ADGRV1: variants seen among roughly 807,000 people sequenced by gnomAD.
ADGRV1 encodes the protein adhesion G protein-coupled receptor V1, also known as G-protein coupled receptor 98.
Under a neutral mutation model 596.2 loss-of-function variants are expected in ADGRV1, and 359 were observed. The observed-to-expected ratio is 0.60, with a 90% CI of 0.55 to 0.66. The LOEUF is 0.66. ADGRV1 is among the 30% of genes least tolerant of loss of function. The pLI, the probability that ADGRV1 is intolerant of heterozygous loss-of-function variation, is 0.00. For synonymous variants in ADGRV1, 2,681 were observed against 2,679.2 expected (o/e 1.00, Z -0.02); for missense variants, 7,274 against 7,575.6 (o/e 0.96, Z 1.48).
chr5:90,595,746 G>A (rs1206058843), intron 1 of ADGRV1, among the ~76,000 whole-genome samples: 11 of 133,396 alleles, frequency 8.2e-5, no homozygotes, highest in East Asian at 2.4e-4. Context: ...CCGGGCAGAG[G>A]CGCCCCTCAC....
chr5:90,906,654 C>T (rs1219859758), intron 83 of ADGRV1, among the ~76,000 whole-genome samples: 1 of 151,956 alleles, frequency 6.6e-6, no homozygotes, highest in African/African-American at 2.4e-5. Context: ...GAAGGTCTGT[C>T]AATTATGTTT....
intron 76 of ADGRV1, among the ~76,000 whole-genome samples, chr5:90,826,142 C>T (rs1434037811): frequency 1.3e-5 from 2 of 152,076 alleles, no homozygotes; most frequent in Non-Finnish European, 2.9e-5. Flanking sequence ...TAACATTTTA[C>T]ATGTTATTAG....
chr5:90,694,036 T>C lies in ADGRV1; in HGVS notation c.7280T>C (p.Met2427Thr). The change falls in exon 33 of 90, where the codon ATG (methionine) becomes ACG (threonine). Residue 2427 changes from methionine to threonine, a missense_variant. This residue lies in a region of ADGRV1 where 3,643 missense variants were observed against 3,809.2 expected (regional missense o/e 0.96). Coordinates refer to ENST00000405460, the MANE Select transcript of ADGRV1 (RefSeq NM_032119.4). ...GVPDPLWRTW[M>T]NVSAVGEPLY... is the part of the protein sequence containing the mutation. ...CCTGACCCACTTTGGAGAACTTGGA[T>C]GAATGTCTCTGCCGTGGGGGAGCCC... 1 of 1,613,796 alleles carries C rather than the reference T, an allele frequency of 6.2e-7. No homozygotes were observed.
chr5:90,681,636 A>G (rs1000135920), intron 27 of ADGRV1, among the ~76,000 whole-genome samples, 182 bp downstream of exon 27: 1 of 152,126 alleles, frequency 6.6e-6, no homozygotes, highest in Non-Finnish European at 1.5e-5. Context: ...TGTCTTTAGT[A>G]TTGCACATGG....
At chr5:91,159,870 T>C (rs1034584453) in intron 89 of ADGRV1, among the ~76,000 whole-genome samples, 1 of 152,226 alleles carries the variant, frequency 6.6e-6, no homozygotes, top group African/African-American at 2.4e-5. Context: ...TGGAAAGGAA[T>C]GTCTCCATTT....
At chr5:90,690,106 A>T in intron 30 of ADGRV1, 30 bp downstream of exon 30, 2 of 1,212,098 alleles carry the variant, frequency 1.7e-6, no homozygotes, top group Non-Finnish European at 2.4e-6. Context: ...TCTCTCTTTG[A>T]CTTGTCTGCA....
chr5:90,949,134 C>A, intron 83 of ADGRV1, among the ~76,000 whole-genome samples: 1 of 152,086 alleles, frequency 6.6e-6, no homozygotes, highest in East Asian at 1.9e-4. Flanking sequence ...GGAAATAGCA[C>A]ATACTACATG....
intron 70 of ADGRV1, among the ~76,000 whole-genome samples, chr5:90,796,664 A>G (rs1760752252): frequency 6.6e-6 from 1 of 152,202 alleles, no homozygotes; most frequent in Non-Finnish European, 1.5e-5. Flanking sequence ...CATAAGACAC[A>G]TAATTGTCAG....
chr5:90,649,200 C>T (rs1298782593), intron 17 of ADGRV1, among the ~76,000 whole-genome samples: 1 of 151,994 alleles, frequency 6.6e-6, no homozygotes, highest in African/African-American at 2.4e-5. Flanking sequence ...GACAGGTTTT[C>T]ACCATGTTAG....
intron 61 of ADGRV1, among the ~76,000 whole-genome samples, chr5:90,777,151 G>A (rs1281134248): frequency 1.3e-5 from 2 of 152,268 alleles, no homozygotes; most frequent in East Asian, 1.9e-4. Flanking sequence ...GGCAGAAGGC[G>A]AAAGGAGAGC....
At chr5:90,595,331 G>A (rs1760210275) in intron 1 of ADGRV1, among the ~76,000 whole-genome samples, 1 of 65,762 alleles carries the variant, frequency 1.5e-5, no homozygotes. Context: ...GGCTGGCCGG[G>A]CGGGGGGCTG....
chr5:90,645,178 G>C lies in ADGRV1; in HGVS notation c.2898+309G>C, dbSNP rs75840032. The stretch of plus-strand genomic sequence containing the variant: ...CTTTGAAGGCAAGGTCATCTATCAA[G>C]TGTCCTGTGGTGCAGTCTCAGCACC... On this transcript the variant is annotated intron_variant, in intron 15 of 89. Coordinates refer to ENST00000405460, the MANE Select transcript of ADGRV1 (RefSeq NM_032119.4). Among the ~76,000 whole-genome samples, 91 of 152,360 alleles carry C rather than the reference G, an allele frequency of 6.0e-4. 1 individual carries two copies. The East Asian group carries it at 0.012, about 21-fold the overall frequency.
rs757029909 is a variant in ADGRV1 at position 91,014,136 on chromosome 5, C to CCCCCCCCACACACACA, written c.18152+28615_18152+28616insCCCCCCACACACACAC. ...TCATAGGCAATCCCATTCACAATTG[C>CCCCCCCCACACACACA]CACACACACACACACACACACACAC... On this transcript the variant is annotated intron_variant, in intron 85 of 89. Coordinates refer to ENST00000405460, the MANE Select transcript of ADGRV1 (RefSeq NM_032119.4). 8.4e-5 allele frequency among the ~76,000 whole-genome samples: 3 copies of CCCCCCCCACACACACA among 35,698 alleles called. No individual in the cohort carries two copies. In the East Asian group the frequency reaches 2.0e-3, roughly 24 times the overall value. The allele number at this position is 35,698 out of a possible 152,430, so 23.4% of individuals were successfully genotyped here.
At chr5:90,761,582 T>C (rs1756520148) in intron 58 of ADGRV1, among the ~76,000 whole-genome samples, 1 of 152,238 alleles carries the variant, frequency 6.6e-6, no homozygotes, top group African/African-American at 2.4e-5. Context: ...CCTACACTAG[T>C]ATTCATAAAT....
intron 1 of ADGRV1, among the ~76,000 whole-genome samples, chr5:90,598,389 C>T (rs929542742): frequency 3.9e-5 from 6 of 152,212 alleles, no homozygotes; most frequent in Non-Finnish European, 4.4e-5. Context: ...AAAGACTTGG[C>T]GCTAAGCCCT....
chr5:90,817,527 T>A (rs1320217876), intron 75 of ADGRV1, among the ~76,000 whole-genome samples: 5 of 151,844 alleles, frequency 3.3e-5, no homozygotes, highest in South Asian at 4.2e-4. Context: ...GGTTTTCTTC[T>A]AGGGTTTTTA....
chr5:91,140,052 G>A (rs944998912), intron 87 of ADGRV1, among the ~76,000 whole-genome samples: 4 of 152,124 alleles, frequency 2.6e-5, no homozygotes, highest in African/African-American at 9.7e-5. Context: ...TCTATAAAGT[G>A]TCTTCTTTAA....
intron 83 of ADGRV1, among the ~76,000 whole-genome samples, chr5:90,937,306 A>G (rs1004447065): frequency 2.6e-5 from 4 of 152,144 alleles, no homozygotes; most frequent in African/African-American, 9.7e-5. Context: ...TTTCTGTAGC[A>G]TGAATATTAC....
At chr5:90,972,964 TAAAG>T (rs1779194350) in intron 84 of ADGRV1, among the ~76,000 whole-genome samples, 1 of 151,606 alleles carries the variant, frequency 6.6e-6, no homozygotes, top group South Asian at 2.1e-4. Context: ...GCAAGACTAA[TAAAG>T]AAGAAAAGAG....
Sources: gnomAD v4.1 joint callset for allele counts (sites outside exome capture counted in the v4.1 genomes callset) on GRCh38, gnomAD v4.1.1 for gene constraint, gnomAD v4.1.1 regional missense constraint, MANE v1.5 for transcripts, NCBI Gene and HGNC (gene_info 2026-07-23, HGNC 2026-07-21) for gene names.